Variants in MPDZ observed in about 807,000 individuals in gnomAD.
MPDZ encodes the protein multiple PDZ domain protein.
In MPDZ, 234 loss-of-function variants were observed where a neutral mutation model predicts 239.1. That is an observed-to-expected ratio of 0.98 (90% confidence interval 0.88 to 1.09). The LOEUF is 1.09. MPDZ is among the 50% of genes least tolerant of loss of function. MPDZ has a pLI of 0.00. For missense variants in MPDZ, 3,175 were observed against 2,510.0 expected (o/e 1.26, Z -5.66); for synonymous variants, 1,048 against 881.3 (o/e 1.19, Z -3.35).
chr9:13,201,180 A>AT (rs938478048), intron 12 of MPDZ, among the ~76,000 whole-genome samples: 3 of 151,574 alleles, frequency 2.0e-5, no homozygotes, highest in African/African-American at 4.8e-5. Context: ...TTGTCTTTTT[A>AT]TTTTTTTACT....
chr9:13,234,225 A>G (rs1010840400), intron 3 of MPDZ, among the ~76,000 whole-genome samples: 1 of 152,100 alleles, frequency 6.6e-6, no homozygotes, highest in Non-Finnish European at 1.5e-5. Context: ...TGACCATATA[A>G]CAATATGATA....
rs755920771 is a variant in MPDZ, at chr9:13,189,011, G to C, written c.2155-18C>G. On this transcript the variant is annotated intron_variant, in intron 16 of 46. Transcript: ENST00000319217. ...ATTGGATCCTGACAGAAGGCAAAAGGAAAGAGTCAGCTCATTTTACAAAGA... is the reference window on the plus strand; with the variant it reads ...ATTGGATCCTGACAGAAGGCAAAAGCAAAGAGTCAGCTCATTTTACAAAGA... The C allele has an allele frequency of 1.9e-6, 3 of 1,601,952 alleles. No homozygotes were observed. Among genetic ancestry groups the C allele is most frequent in the African/African-American group, 2.7e-5 (2 of 74,628 alleles).
At chr9:13,179,864 C>A (rs117352505) in intron 19 of MPDZ, among the ~76,000 whole-genome samples, 1 of 152,112 alleles carries the variant, frequency 6.6e-6, no homozygotes, top group African/African-American at 2.4e-5. Flanking sequence ...ACTAAATACA[C>A]GAGCATTTAA....
intron 24 of MPDZ, among the ~76,000 whole-genome samples, chr9:13,156,110 C>G (rs908793867): frequency 6.6e-6 from 1 of 152,126 alleles, no homozygotes; most frequent in Non-Finnish European, 1.5e-5. Flanking sequence ...CAAAGCCAAC[C>G]ACTGACTCAC....
intron 38 of MPDZ, among the ~76,000 whole-genome samples, chr9:13,121,064 A>T (rs978721183): frequency 6.6e-6 from 1 of 152,198 alleles, no homozygotes; most frequent in Non-Finnish European, 1.5e-5. Context: ...CTTACATGTA[A>T]ATACTTTTAA....
chr9:13,191,386 A>G (rs977620174), intron 15 of MPDZ, among the ~76,000 whole-genome samples: 2 of 152,146 alleles, frequency 1.3e-5, no homozygotes, highest in African/African-American at 4.8e-5. Flanking sequence ...ACTGGACCAC[A>G]TATTATGCAA....
rs188452716 is a variant in MPDZ at position 13,234,659 on chromosome 9, C to G, written c.184-10076G>C. 4.6e-5 allele frequency among the ~76,000 whole-genome samples: 7 copies of G among 152,234 alleles called. No homozygotes were observed. The East Asian group carries it at 1.4e-3, about 29-fold the overall frequency. On this transcript the variant is annotated intron_variant, in intron 3 of 46. Transcript: ENST00000319217. ...TAAGAAAAAATGACTACTGCTTTTG[C>G]AACCCTAGTTTTGGTAAACTGTTTA... is the stretch of plus-strand genomic sequence containing the variant.
At chr9:13,114,813 T>A (rs1378098627) in intron 40 of MPDZ, among the ~76,000 whole-genome samples, 2 of 152,060 alleles carry the variant, frequency 1.3e-5, no homozygotes, top group East Asian at 3.9e-4. Flanking sequence ...GACAGAAGAA[T>A]CTACTTCGCC....
At chr9:13,242,987 G>C (rs1965779061) in intron 3 of MPDZ, among the ~76,000 whole-genome samples, 1 of 152,136 alleles carries the variant, frequency 6.6e-6, no homozygotes, top group Non-Finnish European at 1.5e-5. Flanking sequence ...TAATCCTGTT[G>C]TGAACTGCTC....
chr9:13,264,873 GT>G (rs1971471976), intron 1 of MPDZ, among the ~76,000 whole-genome samples: 1 of 152,182 alleles, frequency 6.6e-6, no homozygotes, highest in South Asian at 2.1e-4. Flanking sequence ...GGCCTCTTCT[GT>G]TCTCTCACTC....
Position 13,119,329 on chromosome 9 carries a change from C to T in MPDZ, c.5379+173G>A, listed in dbSNP as rs140356303. Among the ~76,000 whole-genome samples the T allele has an allele frequency of 8.7e-4, 132 of 152,288 alleles. 1 individual carries two copies. The highest frequency in any genetic ancestry group is 2.9e-3 in the African/African-American group (121 of 41,560). On this transcript the variant is annotated intron_variant, in intron 39 of 46. Transcript: ENST00000319217. ...CGAACCCCTAGTCTCAAGTGATCCA[C>T]CTGCCATGGCCTCCCAAAATGCTGG...
intron 24 of MPDZ, among the ~76,000 whole-genome samples, chr9:13,155,125 G>C (rs1949664162): frequency 6.6e-6 from 1 of 150,468 alleles, no homozygotes; most frequent in Non-Finnish European, 1.5e-5. Context: ...GCTGAGGCAG[G>C]AGAATTCGCT....
chr9:13,155,589 A>G (rs1216663379), intron 24 of MPDZ, among the ~76,000 whole-genome samples: 1 of 152,320 alleles, frequency 6.6e-6, no homozygotes, highest in East Asian at 1.9e-4. Context: ...ATGTAGTAGT[A>G]TATCAATTGT....
At chr9:13,154,356 G>A (rs1474789463) in intron 24 of MPDZ, among the ~76,000 whole-genome samples, 1 of 152,100 alleles carries the variant, frequency 6.6e-6, no homozygotes, top group East Asian at 1.9e-4. Context: ...GCCTATTTGA[G>A]TTTTATACAT....
intron 1 of MPDZ, chr9:13,276,778 G>C (rs752484003): frequency 6.6e-6 from 1 of 152,184 alleles, no homozygotes; most frequent in South Asian, 2.1e-4. Context: ...CAACCTGAGA[G>C]AGACAAGACT....
intron 19 of MPDZ, among the ~76,000 whole-genome samples, chr9:13,179,508 G>A (rs1328110539): frequency 1.3e-5 from 2 of 152,098 alleles, no homozygotes; most frequent in Non-Finnish European, 2.9e-5. Flanking sequence ...CAACACAGTA[G>A]ACAACATACG....
intron 1 of MPDZ, among the ~76,000 whole-genome samples, chr9:13,265,053 A>C (rs906668322): frequency 6.6e-6 from 1 of 152,216 alleles, no homozygotes; most frequent in Non-Finnish European, 1.5e-5. Flanking sequence ...ACAATGTGTC[A>C]ATGCCAAACT....
chr9:13,226,172 C>G (rs1449421997), intron 3 of MPDZ, among the ~76,000 whole-genome samples: 1 of 152,016 alleles, frequency 6.6e-6, no homozygotes, highest in Admixed American at 6.6e-5. Context: ...GGACTGTGCC[C>G]TCAAATCGTG....
chr9:13,141,869 GACAA>G (rs1457120606), intron 27 of MPDZ, among the ~76,000 whole-genome samples: 5 of 152,036 alleles, frequency 3.3e-5, no homozygotes, highest in East Asian at 1.9e-4. Context: ...TATGTCATTG[GACAA>G]ACAGATAAAA....
Sources: allele counts gnomAD v4.1 joint callset (sites outside exome capture counted in the v4.1 genomes callset), GRCh38; gene constraint gnomAD v4.1.1; transcripts MANE v1.5; gene names NCBI Gene and HGNC (gene_info 2026-07-23, HGNC 2026-07-21).